ATP6V0E1: variants seen among roughly 807,000 people sequenced by gnomAD.
The protein encoded by ATP6V0E1 is ATPase H+ transporting V0 subunit e1.
ATP6V0E1 carries 4 observed loss-of-function variants against 11.6 expected under a neutral mutation model. The ratio of observed to expected loss-of-function variants is 0.35; its 90% CI spans 0.17 to 0.79. The LOEUF is 0.79. Ranked by LOEUF, ATP6V0E1 falls within the 30% of genes least tolerant of loss-of-function variation. The pLI is 0.54. For missense variants in ATP6V0E1, 105 were observed against 100.0 expected, an observed-to-expected ratio of 1.05 and a Z score of -0.21; for synonymous variants, 36 against 34.8, an observed-to-expected ratio of 1.04 and a Z score of -0.13.
chr5:173,019,506 AT>A (rs1313390401), intron 2 of ATP6V0E1, among the ~76,000 whole-genome samples: 1 of 151,818 alleles, frequency 6.6e-6, no homozygotes, highest in Non-Finnish European at 1.5e-5. Flanking sequence ...GCAAGCCGAG[AT>A]TGCACCACTG....
chr5:172,987,591 A>G (rs1306460226), intron 1 of ATP6V0E1, among the ~76,000 whole-genome samples: 3 of 152,002 alleles, frequency 2.0e-5, no homozygotes, highest in South Asian at 2.1e-4. Flanking sequence ...GCCCCCTGCT[A>G]TAACATCTTT....
chr5:173,027,483 CAGAA>C (rs1162015432), intron 3 of ATP6V0E1, among the ~76,000 whole-genome samples: 2 of 151,154 alleles, frequency 1.3e-5, no homozygotes, highest in South Asian at 2.1e-4. Flanking sequence ...GCCTGAGTGA[CAGAA>C]AGAGACTCCG....
rs2113572659 is a variant in ATP6V0E1, at chr5:172,983,890, C to T, written c.30C>T (p.Leu10=). MAYHGLTVP[L]IVMSVFWGFV... Reference sequence around the variant, plus strand: ...CGTATCACGGCCTCACTGTGCCTCTCATTGTGATGAGCGTGTTCTGGGGCT... The same window carrying T: ...CGTATCACGGCCTCACTGTGCCTCTTATTGTGATGAGCGTGTTCTGGGGCT... Residue 10 remains leucine (L), a synonymous_variant, in exon 1 of 4, where the codon CTC becomes CTT. Coordinates refer to ENST00000519374, the MANE Select transcript of ATP6V0E1 (RefSeq NM_003945.4). 1.2e-6 allele frequency: 2 copies of T among 1,613,714 alleles called. No homozygotes were observed. Among genetic ancestry groups the T allele is most frequent in the Non-Finnish European group, 1.7e-6 (2 of 1,179,822 alleles).
At chr5:173,009,765 C>CTTT (rs1169432985) in intron 2 of ATP6V0E1, among the ~76,000 whole-genome samples, 6 of 117,236 alleles carry the variant, frequency 5.1e-5, no homozygotes, top group South Asian at 2.8e-4. Flanking sequence ...CGCCTGGCCT[C>CTTT]TTTTTTTTTT....
chr5:173,019,416 G>A (rs187730301), intron 2 of ATP6V0E1, among the ~76,000 whole-genome samples: 1,734 of 152,230 alleles, frequency 0.011, 18 homozygotes, highest in Middle Eastern at 0.041. Flanking sequence ...TGAGCTGGGC[G>A]TGGTGGCGGG....
chr5:173,008,395 G>T lies in ATP6V0E1; in HGVS notation c.153-11843G>T, dbSNP rs186887370. ...GCTCACTGCAACGCTCCGCCTCCTG[G>T]GTTCAAGCAAGTCTTCTGCCTCAGC... On this transcript the variant is annotated intron_variant, in intron 2 of 3. Transcript: ENST00000519374. Among the ~76,000 whole-genome samples, 912 of 149,680 alleles carry T rather than the reference G, an allele frequency of 6.1e-3. 7 individuals carry two copies. The highest frequency in any genetic ancestry group is 0.031 in the South Asian group (146 of 4,736).
At chr5:173,009,456 C>CTTTT (rs920585185) in intron 2 of ATP6V0E1, among the ~76,000 whole-genome samples, 35 of 105,214 alleles carry the variant, frequency 3.3e-4, no homozygotes, top group African/African-American at 9.8e-4. Context: ...AGCCACTTCC[C>CTTTT]TTTTTTTTTT....
intron 2 of ATP6V0E1, among the ~76,000 whole-genome samples, chr5:173,000,343 A>G (rs1315077875): frequency 3.9e-5 from 6 of 152,160 alleles, no homozygotes; most frequent in Admixed American, 3.3e-4. Context: ...TAAACATACA[A>G]TCTTGTTAAG....
At position 173,035,235 on chromosome 5, in the gene ATP6V0E1, G is replaced by A. The variant is rs1756725052; in HGVS notation, c.*873G>A. ...GATGGTACCATGGTGAGCAGTTCAA[G>A]GTTACCTGCCAGCTGCAGAACAAGG... On this transcript the variant is annotated 3_prime_UTR_variant, in exon 4 of 4. Coordinates refer to ENST00000519374, the MANE Select transcript of ATP6V0E1 (RefSeq NM_003945.4). 6.6e-6 allele frequency: 1 copy of A among 152,140 alleles called. No individual in the cohort carries two copies. Among genetic ancestry groups the A allele is most frequent in the Admixed American group, 6.6e-5 (1 of 15,262 alleles). 9.4% of individuals were successfully genotyped at this position (152,140 alleles called of 1,614,324 possible).
chr5:172,985,582 A>G (rs73329241), intron 1 of ATP6V0E1, among the ~76,000 whole-genome samples: 3,725 of 152,232 alleles, frequency 0.024, 145 homozygotes, highest in African/African-American at 0.084. Flanking sequence ...TTGTGTTTAT[A>G]TCTTCAACTG....
chr5:172,985,265 A>G (rs1021086885), intron 1 of ATP6V0E1, among the ~76,000 whole-genome samples: 2 of 151,884 alleles, frequency 1.3e-5, no homozygotes, highest in Non-Finnish European at 2.9e-5. Context: ...AAAAAAAAGA[A>G]AGAAAAAGAT....
chr5:173,010,970 A>C (rs1756311028), intron 2 of ATP6V0E1, among the ~76,000 whole-genome samples: 1 of 152,188 alleles, frequency 6.6e-6, no homozygotes, highest in Non-Finnish European at 1.5e-5. Flanking sequence ...AGAAGTGGCC[A>C]GGGAGGGTTT....
At chr5:172,992,866 C>G (rs761536146) in intron 1 of ATP6V0E1, among the ~76,000 whole-genome samples, 1 of 152,026 alleles carries the variant, frequency 6.6e-6, no homozygotes, top group Admixed American at 6.6e-5. Context: ...AGCGCAATCT[C>G]GGCTCACTGC....
chr5:172,995,588 A>C (rs1756053004), intron 2 of ATP6V0E1, among the ~76,000 whole-genome samples: 2 of 152,230 alleles, frequency 1.3e-5, no homozygotes, highest in Non-Finnish European at 2.9e-5. Flanking sequence ...ATATGTATTG[A>C]TCACATACCA....
intron 2 of ATP6V0E1, among the ~76,000 whole-genome samples, chr5:173,009,012 G>C (rs1688749763): frequency 6.6e-6 from 1 of 151,522 alleles, no homozygotes; most frequent in South Asian, 2.1e-4. Flanking sequence ...GATCACTTGA[G>C]GCCAGGAGTT....
chr5:172,983,987 G>C (rs776467588), intron 1 of ATP6V0E1, 23 bp downstream of exon 1: 1 of 1,606,648 alleles, frequency 6.2e-7, no homozygotes, highest in Non-Finnish European at 8.5e-7. Context: ...GGCCCGCCTT[G>C]GGAGGAACGG....
chr5:173,010,113 T>A (rs1375150288), intron 2 of ATP6V0E1, among the ~76,000 whole-genome samples: 1 of 152,092 alleles, frequency 6.6e-6, no homozygotes, highest in East Asian at 1.9e-4. Context: ...AATCTAACCA[T>A]GGAGTGACTA....
chr5:172,987,536 G>A (rs372881329), intron 1 of ATP6V0E1, among the ~76,000 whole-genome samples: 17 of 151,502 alleles, frequency 1.1e-4, no homozygotes, highest in Non-Finnish European at 1.9e-4. Context: ...CGTCCGCCTC[G>A]GCCTCCCAAA....
chr5:173,026,180 G>A (rs997196528), intron 3 of ATP6V0E1, among the ~76,000 whole-genome samples: 1 of 151,892 alleles, frequency 6.6e-6, no homozygotes, highest in South Asian at 2.1e-4. Context: ...ATTTTGTATG[G>A]AGACAGTGTT....
Sources: allele counts gnomAD v4.1 joint callset (sites outside exome capture counted in the v4.1 genomes callset), GRCh38; gene constraint gnomAD v4.1.1; transcripts MANE v1.5; gene names NCBI Gene and HGNC (gene_info 2026-07-23, HGNC 2026-07-21).